UBE2B: variants seen among roughly 807,000 people sequenced by gnomAD.
The protein encoded by UBE2B is ubiquitin-conjugating enzyme E2 B.
In UBE2B, 11 loss-of-function variants were observed where a neutral mutation model predicts 24.6. The observed-to-expected ratio is 0.45, with a 90% CI of 0.28 to 0.74. The LOEUF is 0.74. UBE2B is among the 30% of genes least tolerant of loss of function. The pLI, the probability that UBE2B is intolerant of heterozygous loss-of-function variation, is 0.13. For missense variants in UBE2B, 78 were observed against 185.6 expected (o/e 0.42, Z 3.37); for synonymous variants, 68 against 62.4 (o/e 1.09, Z -0.42).
intron 4 of UBE2B, among the ~76,000 whole-genome samples, chr5:134,382,274 G>A (rs375928749): frequency 1.3e-5 from 2 of 151,312 alleles, no homozygotes; most frequent in Admixed American, 6.6e-5. Flanking sequence ...GCAACATAGC[G>A]AGGTCCCATC....
rs201423355 is a variant in UBE2B at position 134,371,610 on chromosome 5, C to T, written c.15C>T (p.Ala5=). The T allele has an allele frequency of 1.8e-5, 29 of 1,613,094 alleles. No individual in the cohort carries two copies. Among genetic ancestry groups the T allele is most frequent in the African/African-American group, 2.7e-5 (2 of 74,954 alleles). The part of the protein sequence containing the change: MSTP[A]RRRLMRDFKR... Reference sequence around the variant, plus strand: ...AGCTGCGGAGCATGTCGACCCCGGCCCGGAGGAGGCTCATGCGGGATTTCA... The same window carrying T: ...AGCTGCGGAGCATGTCGACCCCGGCTCGGAGGAGGCTCATGCGGGATTTCA... Residue 5 remains alanine, a synonymous_variant, in exon 1 of 6, where the codon GCC becomes GCT. Transcript: ENST00000265339.
intron 3 of UBE2B, among the ~76,000 whole-genome samples, chr5:134,380,449 G>T (rs981791968): frequency 6.6e-6 from 1 of 152,120 alleles, no homozygotes; most frequent in Non-Finnish European, 1.5e-5. Context: ...TTAAATCTTG[G>T]TAGCTAGGGC....
intron 3 of UBE2B, 137 bp from the exon 4 acceptor site, chr5:134,380,582 G>A: frequency 1.6e-6 from 1 of 613,178 alleles, no homozygotes; most frequent in South Asian, 1.8e-5. Flanking sequence ...GTATATTTAG[G>A]ATGTTTTGTA....
intron 3 of UBE2B, among the ~76,000 whole-genome samples, chr5:134,379,643 C>CTCA (rs1554114362): frequency 2.2e-5 from 2 of 92,248 alleles, no homozygotes; most frequent in East Asian, 7.1e-4. Flanking sequence ...GACTCTGTCT[C>CTCA]AACAAAAAAA....
At chr5:134,380,600 C>A in intron 3 of UBE2B, 119 bp from the exon 4 acceptor site, 1 of 654,806 alleles carries the variant, frequency 1.5e-6, no homozygotes, top group Non-Finnish European at 2.8e-6. Flanking sequence ...GTATGCCGAA[C>A]CAACGTTGAC....
At position 134,390,613 on chromosome 5, in the gene UBE2B, G is replaced by A. The variant is rs1758884533; in HGVS notation, c.*260G>A. ...TTTTCCAAGTGTATAATGTTGGTGT[G>A]GAGTTTTCATGACAGAATATACACA... On this transcript the variant is annotated 3_prime_UTR_variant, in exon 6 of 6. Coordinates refer to ENST00000265339, the MANE Select transcript of UBE2B (RefSeq NM_003337.4). This position sits in a 1 kb window ranked among gnomAD's most constrained non-coding sequence, Gnocchi z 4.6. 1 of 377,606 alleles carries A rather than the reference G, an allele frequency of 2.6e-6. No homozygotes were observed. Among genetic ancestry groups the A allele is most frequent in the East Asian group, 5.6e-5 (1 of 17,924 alleles). 23.4% of individuals were successfully genotyped at this position (377,606 alleles called of 1,614,324 possible).
At chr5:134,375,589 T>C (rs1316544594) in intron 2 of UBE2B, among the ~76,000 whole-genome samples, 2 of 152,000 alleles carry the variant, frequency 1.3e-5, no homozygotes, top group Non-Finnish European at 2.9e-5. Flanking sequence ...ATAATTAAAC[T>C]TTATGCTCCA....
chr5:134,376,077 A>G (rs1758597348), intron 2 of UBE2B, among the ~76,000 whole-genome samples: 1 of 150,798 alleles, frequency 6.6e-6, no homozygotes, highest in South Asian at 2.1e-4. Flanking sequence ...TCACGCCTCT[A>G]AATCCCAGCA....
intron 5 of UBE2B, among the ~76,000 whole-genome samples, chr5:134,388,719 G>A (rs1270438479): frequency 6.6e-6 from 1 of 152,110 alleles, no homozygotes; most frequent in East Asian, 1.9e-4. Flanking sequence ...GATAAGCATT[G>A]AGTATGTTAC....
chr5:134,383,522 G>T (rs34262210), intron 4 of UBE2B, among the ~76,000 whole-genome samples: 1 of 124,104 alleles, frequency 8.1e-6, no homozygotes, highest in Non-Finnish European at 1.6e-5. Context: ...TTGCTCTATC[G>T]GCCAGGCTGG....
intron 4 of UBE2B, 53 bp from the exon 5 acceptor site, chr5:134,388,272 T>G (rs974247818): frequency 9.8e-5 from 143 of 1,465,010 alleles, no homozygotes; most frequent in Admixed American, 4.2e-4. Context: ...AAGATTTCTC[T>G]TAACTGTTAG....
chr5:134,384,050 T>A (rs1758757480), intron 4 of UBE2B, among the ~76,000 whole-genome samples: 1 of 152,216 alleles, frequency 6.6e-6, no homozygotes, highest in African/African-American at 2.4e-5. Flanking sequence ...TCTATTACAT[T>A]TATATTTCTG....
In UBE2B at chr5:134,371,575, AC is replaced by A. The variant is rs1259944495; in HGVS notation, c.-19del. ...GCGGGACTTTTTTTTTTTCAGACTG[AC>A]CGCGGGGCAGCTGCGGAGCATGTCG... On this transcript the variant is annotated 5_prime_UTR_variant, in exon 1 of 6. Coordinates refer to ENST00000265339, the MANE Select transcript of UBE2B (RefSeq NM_003337.4). The A allele has an allele frequency of 6.2e-7, 1 of 1,608,616 alleles. No homozygotes were observed. Among genetic ancestry groups the A allele is most frequent in the Non-Finnish European group, 8.5e-7 (1 of 1,178,696 alleles).
intron 2 of UBE2B, among the ~76,000 whole-genome samples, chr5:134,376,322 C>T (rs1437736239): frequency 1.3e-4 from 1 of 7,464 alleles, no homozygotes; most frequent in Admixed American, 2.7e-3. Context: ...AACTCCGTCT[C>T]AAAAAAAAAA....
At chr5:134,376,999 A>G (rs1435188312) in intron 3 of UBE2B, among the ~76,000 whole-genome samples, 1 of 152,234 alleles carries the variant, frequency 6.6e-6, no homozygotes, top group African/African-American at 2.4e-5. Flanking sequence ...GGTGAACACC[A>G]GAAGAGTAAA....
chr5:134,388,519 C>T, intron 5 of UBE2B, 106 bp downstream of exon 5: 4 of 1,012,610 alleles, frequency 4.0e-6, no homozygotes, highest in Non-Finnish European at 6.2e-6. Context: ...AGAATCCATG[C>T]TTTTCAGCTA....
At position 134,376,761 on chromosome 5, in the gene UBE2B, C is replaced by T. The variant is rs553575987; in HGVS notation, c.151+67C>T. 2.1e-5 allele frequency: 31 copies of T among 1,455,124 alleles called. No homozygotes were observed. The South Asian group carries it at 3.7e-4, about 17-fold the overall frequency. 90.1% of individuals were successfully genotyped at this position (1,455,124 alleles called of 1,614,324 possible). ...ACTTTTTAGTAGAAAATTGTAACAC[C>T]AACATATCTACTTGAAGCCATTTTC... On this transcript the variant is annotated intron_variant, in intron 3 of 5. Transcript: ENST00000265339.
intron 1 of UBE2B, among the ~76,000 whole-genome samples, chr5:134,374,165 C>G (rs1758554939): frequency 6.6e-6 from 1 of 152,184 alleles, no homozygotes; most frequent in South Asian, 2.1e-4. Flanking sequence ...GGATGATTCT[C>G]AAGCCCTTTC....
chr5:134,387,807 AC>A (rs1443969876), intron 4 of UBE2B, among the ~76,000 whole-genome samples: 1 of 151,720 alleles, frequency 6.6e-6, no homozygotes, highest in Non-Finnish European at 1.5e-5. Flanking sequence ...TAATTTTTTT[AC>A]TTTTATTTTT....
Sources: gnomAD v4.1 joint callset for allele counts (sites outside exome capture counted in the v4.1 genomes callset) on GRCh38, gnomAD v4.1.1 for gene constraint, Gnocchi (gnomAD v3.1) non-coding constraint, MANE v1.5 for transcripts, NCBI Gene and HGNC (gene_info 2026-07-23, HGNC 2026-07-21) for gene names.